ADGRL2: variants seen among roughly 807,000 people sequenced by gnomAD.
ADGRL2 encodes adhesion G protein-coupled receptor L2.
Under a neutral mutation model 157.4 loss-of-function variants are expected in ADGRL2, and 44 were observed. The ratio of observed to expected loss-of-function variants is 0.28; its 90% CI spans 0.22 to 0.36. The LOEUF is 0.36. ADGRL2 is among the 10% of genes least tolerant of loss of function. ADGRL2 has a pLI of 1.00. For synonymous variants in ADGRL2, 585 were observed against 624.7 expected, an observed-to-expected ratio of 0.94 and a Z score of 0.95; for missense variants, 1,510 against 1,768.9, an observed-to-expected ratio of 0.85 and a Z score of 2.63.
At chr1:81,393,658 A>G (rs1304652628) in intron 1 of ADGRL2, among the ~76,000 whole-genome samples, 1 of 152,142 alleles carries the variant, frequency 6.6e-6, no homozygotes, top group African/African-American at 2.4e-5. Context: ...GCTACCATGT[A>G]AGACCCCTAT....
At chr1:81,778,533 C>A (rs903970436) in intron 2 of ADGRL2, among the ~76,000 whole-genome samples, 2 of 152,080 alleles carry the variant, frequency 1.3e-5, no homozygotes, top group Admixed American at 1.3e-4. Flanking sequence ...TTCCTAATAA[C>A]CACCTTAAAA....
intron 3 of ADGRL2, among the ~76,000 whole-genome samples, chr1:81,675,288 A>G (rs2082962724): frequency 6.6e-6 from 1 of 152,210 alleles, no homozygotes; most frequent in Non-Finnish European, 1.5e-5. Context: ...TTGACAATAT[A>G]GCTTCCTAAG....
intron 2 of ADGRL2, among the ~76,000 whole-genome samples, chr1:81,879,792 A>C (rs1224651987): frequency 6.6e-6 from 1 of 152,102 alleles, no homozygotes; most frequent in Non-Finnish European, 1.5e-5. Context: ...CGGGCTGATC[A>C]CTTGAGGCCA....
chr1:81,880,604 A>G (rs879704119), intron 2 of ADGRL2, among the ~76,000 whole-genome samples: 1 of 152,066 alleles, frequency 6.6e-6, no homozygotes, highest in Non-Finnish European at 1.5e-5. Flanking sequence ...GAGGGCTTCT[A>G]TATCTGCTTG....
intron 3 of ADGRL2, among the ~76,000 whole-genome samples, chr1:81,592,270 T>C (rs1264752611): frequency 6.6e-6 from 1 of 152,210 alleles, no homozygotes; most frequent in African/African-American, 2.4e-5. Context: ...AACCAGATGG[T>C]AAATGTTTTA....
At chr1:81,462,191 C>T (rs1318136390) in intron 2 of ADGRL2, among the ~76,000 whole-genome samples, 1 of 152,020 alleles carries the variant, frequency 6.6e-6, no homozygotes, top group Admixed American at 6.6e-5. Context: ...CCAATCACCA[C>T]TCTGTAAAAT....
intron 2 of ADGRL2, among the ~76,000 whole-genome samples, chr1:81,565,269 G>A (rs951541734): frequency 6.6e-6 from 1 of 152,152 alleles, no homozygotes; most frequent in Non-Finnish European, 1.5e-5. Context: ...TAACTAGAAA[G>A]TGCAACATAC....
chr1:81,623,822 A>G (rs984607968), intron 3 of ADGRL2, among the ~76,000 whole-genome samples: 6 of 151,904 alleles, frequency 3.9e-5, no homozygotes, highest in Non-Finnish European at 8.8e-5. Flanking sequence ...TTTTTAGTAG[A>G]GACGGAGTTT....
chr1:81,429,980 G>A (rs1440865774), intron 1 of ADGRL2, among the ~76,000 whole-genome samples: 4 of 152,046 alleles, frequency 2.6e-5, no homozygotes, highest in Admixed American at 2.0e-4. Context: ...CGCAACCTCC[G>A]CCTCCTGGGT....
At chr1:81,833,554 A>T (rs990644204) in intron 1 of ADGRL2, among the ~76,000 whole-genome samples, 1 of 152,212 alleles carries the variant, frequency 6.6e-6, no homozygotes, top group Non-Finnish European at 1.5e-5. Flanking sequence ...ATTAATAAAC[A>T]TTTTATTTTT....
intron 3 of ADGRL2, among the ~76,000 whole-genome samples, chr1:81,597,562 A>G (rs2081259819): frequency 6.6e-6 from 1 of 152,224 alleles, no homozygotes. Flanking sequence ...GATAGGTAGA[A>G]CAGGCATTAT....
chr1:81,545,763 A>T (rs2080001387), intron 2 of ADGRL2, among the ~76,000 whole-genome samples: 1 of 152,232 alleles, frequency 6.6e-6, no homozygotes, highest in South Asian at 2.1e-4. Context: ...TGATGATTCT[A>T]AGACTAGAGC....
intron 1 of ADGRL2, among the ~76,000 whole-genome samples, chr1:81,744,507 C>A (rs1346534012): frequency 6.6e-6 from 1 of 152,042 alleles, no homozygotes; most frequent in East Asian, 1.9e-4. Flanking sequence ...TCTGGAGAAC[C>A]ATAAGGATAA....
chr1:81,955,188 A>G (rs915607125), intron 10 of ADGRL2, among the ~76,000 whole-genome samples: 9 of 152,294 alleles, frequency 5.9e-5, no homozygotes, highest in African/African-American at 2.2e-4. Context: ...ACTTATCAGT[A>G]GAGGCTTTAA....
intron 1 of ADGRL2, among the ~76,000 whole-genome samples, chr1:81,307,073 G>A (rs1357924113): frequency 2.6e-5 from 4 of 152,206 alleles, no homozygotes; most frequent in Non-Finnish European, 4.4e-5. Context: ...ACTAGGCTAT[G>A]CAGAAGTATT....
chr1:81,890,369 C>T (rs2094229283), intron 2 of ADGRL2, among the ~76,000 whole-genome samples: 1 of 152,102 alleles, frequency 6.6e-6, no homozygotes, highest in African/African-American at 2.4e-5. Context: ...GAATTTTCTA[C>T]TATAGCAGCT....
At chr1:81,633,595 CAA>C (rs369967142) in intron 3 of ADGRL2, among the ~76,000 whole-genome samples, 3 of 50,268 alleles carry the variant, frequency 6.0e-5, no homozygotes, top group East Asian at 7.4e-4. Context: ...GACTCTGTCT[CAA>C]AAAAAAAAAA....
At chr1:81,792,115 T>C (rs1339195630) in intron 2 of ADGRL2, among the ~76,000 whole-genome samples, 1 of 152,208 alleles carries the variant, frequency 6.6e-6, no homozygotes, top group African/African-American at 2.4e-5. Context: ...GAGCACTGAA[T>C]TGAGGAAAGC....
chr1:81,323,944 C>T (rs146781840), intron 1 of ADGRL2, among the ~76,000 whole-genome samples: 194 of 152,198 alleles, frequency 1.3e-3, no homozygotes, highest in African/African-American at 4.3e-3. Context: ...AAAATGAGGC[C>T]GGATTGTTGT....
Sources: allele counts gnomAD v4.1 joint callset (sites outside exome capture counted in the v4.1 genomes callset), GRCh38; gene constraint gnomAD v4.1.1; transcripts MANE v1.5; gene names NCBI Gene and HGNC (gene_info 2026-07-23, HGNC 2026-07-21).